Variants in ZBTB7C observed in about 807,000 individuals in gnomAD.
The protein encoded by ZBTB7C is zinc finger and BTB domain-containing protein 7C.
In ZBTB7C, 8 loss-of-function variants were observed where a neutral mutation model predicts 25.7. That is an observed-to-expected ratio of 0.31 (90% CI 0.18 to 0.56). ZBTB7C has a LOEUF of 0.56. Ranked by LOEUF, ZBTB7C falls within the 20% of genes least tolerant of loss-of-function variation. The probability of loss-of-function intolerance (pLI) is 0.91; values close to 1 mark genes in which losing one functional copy is unlikely to be tolerated. For synonymous variants in ZBTB7C, 394 were observed against 369.0 expected (o/e 1.07, Z -0.78); for missense variants, 824 against 855.2 (o/e 0.96, Z 0.46).
intron 3 of ZBTB7C, among the ~76,000 whole-genome samples, chr18:48,113,516 C>G (rs1345025902): frequency 6.6e-6 from 1 of 152,242 alleles, no homozygotes; most frequent in African/African-American, 2.4e-5. Context: ...GCAGGAGGTG[C>G]CCCGGCTGGC....
At chr18:48,138,775 A>C (rs535371910) in intron 3 of ZBTB7C, among the ~76,000 whole-genome samples, 2 of 152,334 alleles carry the variant, frequency 1.3e-5, no homozygotes, top group East Asian at 3.9e-4. Context: ...CCACAAAGGC[A>C]CTAGTTAAAT....
chr18:48,148,464 A>G (rs1026285106), intron 3 of ZBTB7C: 5 of 152,224 alleles, frequency 3.3e-5, no homozygotes, highest in Admixed American at 3.3e-4. Context: ...GATGCATCAG[A>G]TATGACCAGA....
intron 3 of ZBTB7C, among the ~76,000 whole-genome samples, chr18:48,072,803 G>A (rs1172669904): frequency 6.6e-6 from 1 of 152,224 alleles, no homozygotes; most frequent in African/African-American, 2.4e-5. Context: ...AGCCGGCACT[G>A]CTGGGGAGAA....
rs145630016 is a variant in ZBTB7C, at chr18:48,131,061, G to A, written c.-17+54873C>T. 4.3e-3 allele frequency among the ~76,000 whole-genome samples: 660 copies of A among 152,190 alleles called. 6 individuals are homozygous for A. Among genetic ancestry groups the A allele is most frequent in the African/African-American group, 0.015 (639 of 41,512 alleles). On this transcript the variant is annotated intron_variant, in intron 3 of 4. Coordinates refer to ENST00000590800, the MANE Select transcript of ZBTB7C (RefSeq NM_001318841.2). Reference sequence around the variant, plus strand: ...TGGGATTACAGGTGCGTGCCACCACGCCTAGCTAATTTTTCTATGTTTAGT... The same window carrying A: ...TGGGATTACAGGTGCGTGCCACCACACCTAGCTAATTTTTCTATGTTTAGT...
chr18:48,131,708 G>A (rs780675570), intron 3 of ZBTB7C, among the ~76,000 whole-genome samples: 4 of 152,154 alleles, frequency 2.6e-5, no homozygotes, highest in Non-Finnish European at 5.9e-5. Context: ...TAGAGCTCTG[G>A]GACATGCAAA....
chr18:48,048,223 G>A (rs975586888), intron 3 of ZBTB7C, among the ~76,000 whole-genome samples: 1 of 152,156 alleles, frequency 6.6e-6, no homozygotes, highest in Admixed American at 6.5e-5. Flanking sequence ...GGTCAGGGAA[G>A]GCTTCTAGGA....
At chr18:48,312,434 A>C (rs1172776566) in intron 2 of ZBTB7C, among the ~76,000 whole-genome samples, 1 of 152,206 alleles carries the variant, frequency 6.6e-6, no homozygotes, top group East Asian at 1.9e-4. Flanking sequence ...GCAAGTATCC[A>C]AGTAAAGACT....
chr18:48,041,951 T>C (rs2036263967), intron 3 of ZBTB7C, among the ~76,000 whole-genome samples: 3 of 152,214 alleles, frequency 2.0e-5, no homozygotes, highest in Admixed American at 1.3e-4. Context: ...GAGAAGCGTC[T>C]TCTGAGACAC....
intron 3 of ZBTB7C, among the ~76,000 whole-genome samples, chr18:48,063,557 A>G (rs1169487973): frequency 2.6e-5 from 4 of 152,244 alleles, no homozygotes; most frequent in Non-Finnish European, 5.9e-5. Flanking sequence ...AAGGGAGGAA[A>G]GGGAAGCAGG....
At chr18:48,249,983 C>T (rs75839849) in intron 2 of ZBTB7C, among the ~76,000 whole-genome samples, 3 of 152,128 alleles carry the variant, frequency 2.0e-5, no homozygotes, top group Non-Finnish European at 4.4e-5. Context: ...TTGCCTTGGC[C>T]GGAAGTTTTG....
intron 2 of ZBTB7C, among the ~76,000 whole-genome samples, chr18:48,268,230 T>C (rs931676556): frequency 3.9e-5 from 6 of 152,170 alleles, no homozygotes; most frequent in African/African-American, 1.4e-4. Flanking sequence ...CCCATGTCAT[T>C]CATTTATTAA....
At chr18:48,400,803 T>G (rs1346199382) in intron 1 of ZBTB7C, among the ~76,000 whole-genome samples, 1 of 152,230 alleles carries the variant, frequency 6.6e-6, no homozygotes, top group Non-Finnish European at 1.5e-5. Flanking sequence ...CTAGGAAACT[T>G]AAAGTTACAT....
At chr18:48,186,241 T>A (rs1010372820) in intron 2 of ZBTB7C, among the ~76,000 whole-genome samples, 1 of 152,146 alleles carries the variant, frequency 6.6e-6, no homozygotes, top group African/African-American at 2.4e-5. Context: ...GCTGTGCCAG[T>A]CTCAGATTGA....
chr18:48,096,223 G>A (rs2038627422), intron 3 of ZBTB7C, among the ~76,000 whole-genome samples: 1 of 152,138 alleles, frequency 6.6e-6, no homozygotes, highest in Non-Finnish European at 1.5e-5. Flanking sequence ...CAAAAAATAG[G>A]CATTGGGGCT....
chr18:48,100,951 G>A (rs2038809328), intron 3 of ZBTB7C, among the ~76,000 whole-genome samples: 1 of 152,076 alleles, frequency 6.6e-6, no homozygotes, highest in African/African-American at 2.4e-5. Flanking sequence ...TGGGGAACGG[G>A]GAAGGCAGGT....
At position 48,342,170 on chromosome 18, in the gene ZBTB7C, G is replaced by C. The variant is rs184638589; in HGVS notation, c.-303-3772C>G. ...GCTTGCCCCCTCCCAGTGCCCAGGA[G>C]CACAGGTTCCCATGCCAGCTCATCT... On this transcript the variant is annotated intron_variant, in intron 1 of 4. Coordinates refer to ENST00000590800, the MANE Select transcript of ZBTB7C (RefSeq NM_001318841.2). 8.5e-5 allele frequency among the ~76,000 whole-genome samples: 13 copies of C among 152,318 alleles called. No homozygotes were observed. The East Asian group carries it at 2.3e-3, about 27-fold the overall frequency.
intron 3 of ZBTB7C, among the ~76,000 whole-genome samples, chr18:48,140,851 C>T (rs113608655): frequency 1.3e-5 from 2 of 152,240 alleles, no homozygotes; most frequent in African/African-American, 2.4e-5. Flanking sequence ...AAATAGAGCT[C>T]GAACCTGCCC....
chr18:48,074,877 C>T (rs1266082687), intron 3 of ZBTB7C, among the ~76,000 whole-genome samples: 1 of 152,232 alleles, frequency 6.6e-6, no homozygotes, highest in East Asian at 1.9e-4. Flanking sequence ...TCCTGCTGTC[C>T]AGGTCCTCTC....
At chr18:48,344,101 C>T (rs1170895293) in intron 1 of ZBTB7C, among the ~76,000 whole-genome samples, 1 of 152,200 alleles carries the variant, frequency 6.6e-6, no homozygotes, top group African/African-American at 2.4e-5. Context: ...TCTCCTGCCT[C>T]GGCCTTCCGA....
Sources: gnomAD v4.1 joint callset for allele counts (sites outside exome capture counted in the v4.1 genomes callset) on GRCh38, gnomAD v4.1.1 for gene constraint, MANE v1.5 for transcripts, NCBI Gene and HGNC (gene_info 2026-07-23, HGNC 2026-07-21) for gene names.